The following IQCM variants were observed in gnomAD, a reference collection of about 807,000 sequenced individuals.
IQCM encodes IQ domain-containing protein M.
In IQCM, 45 loss-of-function variants were observed where a neutral mutation model predicts 57.6. The observed-to-expected ratio is 0.78, with a 90% CI of 0.62 to 1.00. IQCM has a LOEUF of 1.00. Ranked by LOEUF, IQCM falls within the 50% of genes least tolerant of loss-of-function variation. IQCM has a pLI of 0.00. For missense variants in IQCM, 468 were observed against 511.6 expected (o/e 0.91, Z 0.82); for synonymous variants, 148 against 158.9 (o/e 0.93, Z 0.51).
At chr4:149,651,174 G>C (rs1028779140) in intron 7 of IQCM, among the ~76,000 whole-genome samples, 1 of 152,122 alleles carries the variant, frequency 6.6e-6, no homozygotes, top group Non-Finnish European at 1.5e-5. Flanking sequence ...ACAGAAAATT[G>C]CTCTCTAAAA....
chr4:149,602,473 C>T (rs1051066503), intron 8 of IQCM, among the ~76,000 whole-genome samples: 3 of 152,114 alleles, frequency 2.0e-5, no homozygotes, highest in Non-Finnish European at 4.4e-5. Context: ...TGACCAAAAA[C>T]TTACCCTCTT....
chr4:149,549,511 C>A (rs554871317), intron 11 of IQCM, among the ~76,000 whole-genome samples: 1 of 152,038 alleles, frequency 6.6e-6, no homozygotes, highest in Non-Finnish European at 1.5e-5. Flanking sequence ...GAGCGAGACT[C>A]CGTCTCAAAA....
intron 12 of IQCM, among the ~76,000 whole-genome samples, chr4:149,482,353 T>A (rs545620462): frequency 1.5e-4 from 23 of 152,146 alleles, no homozygotes; most frequent in Non-Finnish European, 3.4e-4. Context: ...CCTTGTCATG[T>A]TCCAGGTCTT....
intron 7 of IQCM, among the ~76,000 whole-genome samples, chr4:149,673,671 A>G (rs1383534649): frequency 6.6e-6 from 1 of 152,056 alleles, no homozygotes; most frequent in Non-Finnish European, 1.5e-5. Flanking sequence ...CACAATAATA[A>G]TGGGAGACTT....
At chr4:149,681,158 G>A (rs953837589) in intron 7 of IQCM, among the ~76,000 whole-genome samples, 10 of 151,162 alleles carry the variant, frequency 6.6e-5, no homozygotes, top group Non-Finnish European at 1.5e-4. Flanking sequence ...GATTTCAAGA[G>A]TATTATTTAT....
chr4:149,805,428 T>C (rs2150056874), intron 2 of IQCM, among the ~76,000 whole-genome samples: 1 of 152,164 alleles, frequency 6.6e-6, no homozygotes, highest in South Asian at 2.1e-4. Flanking sequence ...TTTTCCATCC[T>C]TTGGGATGGT....
At chr4:149,772,645 A>T (rs1770696563) in intron 2 of IQCM, among the ~76,000 whole-genome samples, 1 of 152,244 alleles carries the variant, frequency 6.6e-6, no homozygotes, top group South Asian at 2.1e-4. Context: ...TGTATAAGTA[A>T]ATGAGGCATA....
chr4:149,456,550 A>G (rs746009185), intron 12 of IQCM, among the ~76,000 whole-genome samples: 1 of 152,078 alleles, frequency 6.6e-6, no homozygotes, highest in Non-Finnish European at 1.5e-5. Context: ...CTGCATTTTG[A>G]CTGCAACCCA....
In IQCM at chr4:149,613,736, C is replaced by T. The variant is rs1446091429; in HGVS notation, c.681+7393G>A. Among the ~76,000 whole-genome samples the T allele has an allele frequency of 2.6e-5, 4 of 152,218 alleles. No individual in the cohort carries two copies. The South Asian group carries it at 8.3e-4, about 32-fold the overall frequency. ...TCTCCCCGCTCCCCCCACCCCACAA[C>T]AGGCCCCGGTGTGTGATGTTTCCCT... On this transcript the variant is annotated intron_variant, in intron 8 of 13. Transcript: ENST00000636793.
At chr4:149,536,430 T>C (rs1054929099) in intron 12 of IQCM, among the ~76,000 whole-genome samples, 2 of 152,022 alleles carry the variant, frequency 1.3e-5, no homozygotes, top group Non-Finnish European at 2.9e-5. Flanking sequence ...GCTTTGCACA[T>C]TATCTCTCTT....
Position 149,548,558 on chromosome 4 carries a change from A to G in IQCM, c.1125T>C (p.Asp375=), listed in dbSNP as rs989910665. 8.1e-7 allele frequency: 1 copy of G among 1,229,008 alleles called. No homozygotes were observed. Among genetic ancestry groups the G allele is most frequent in the African/African-American group, 1.6e-5 (1 of 64,352 alleles). The allele number at this position is 1,229,008 out of a possible 1,614,324, so 76.1% of individuals were successfully genotyped here. Residue 375 remains aspartate, a synonymous_variant, in exon 12 of 14, where the codon GAT becomes GAC. Transcript: ENST00000636793. ...FYEIMFAKRE[D]WPKIERNELP... is the part of the protein sequence containing the mutation. ...GCTCATTTCTTTCAATTTTTGGCCA[A>G]TCTTCCCTCTTAGCAAACATTATTT... is the stretch of plus-strand genomic sequence containing the variant.
chr4:149,559,038 T>A (rs909308610), intron 10 of IQCM, among the ~76,000 whole-genome samples: 1 of 152,122 alleles, frequency 6.6e-6, no homozygotes, highest in African/African-American at 2.4e-5. Flanking sequence ...TTCTCAACCA[T>A]ACACCAGATT....
chr4:149,428,461 A>T (rs1252766347), intron 13 of IQCM, among the ~76,000 whole-genome samples: 4 of 151,884 alleles, frequency 2.6e-5, no homozygotes, highest in Non-Finnish European at 5.9e-5. Flanking sequence ...ATTAGGAGGG[A>T]TTCTGAAGAA....
chr4:149,569,649 A>C (rs1451944497), intron 9 of IQCM, among the ~76,000 whole-genome samples: 1 of 152,174 alleles, frequency 6.6e-6, no homozygotes, highest in Non-Finnish European at 1.5e-5. Flanking sequence ...CTTATGAACA[A>C]TGCATTTTCT....
chr4:149,668,153 A>C (rs1207779983), intron 7 of IQCM, among the ~76,000 whole-genome samples: 1 of 152,158 alleles, frequency 6.6e-6, no homozygotes, highest in African/African-American at 2.4e-5. Flanking sequence ...AAATGAAGGA[A>C]AAAATGTTAA....
intron 13 of IQCM, among the ~76,000 whole-genome samples, chr4:149,417,394 G>C (rs1733819750): frequency 6.6e-6 from 1 of 152,102 alleles, no homozygotes; most frequent in Non-Finnish European, 1.5e-5. Flanking sequence ...CAGATCGGAA[G>C]TGAAGTACAG....
intron 5 of IQCM, among the ~76,000 whole-genome samples, chr4:149,717,755 T>C (rs553154784): frequency 6.6e-6 from 1 of 152,332 alleles, no homozygotes; most frequent in African/African-American, 2.4e-5. Flanking sequence ...ACATATAAAT[T>C]ACTGATACAG....
intron 12 of IQCM, among the ~76,000 whole-genome samples, chr4:149,510,941 G>A (rs577519236): frequency 3.9e-5 from 6 of 152,234 alleles, no homozygotes; most frequent in Admixed American, 2.6e-4. Flanking sequence ...TCTGTTATTT[G>A]AAAGCAAGTC....
chr4:149,393,655 G>T (rs1732022030), intron 13 of IQCM, among the ~76,000 whole-genome samples: 1 of 151,746 alleles, frequency 6.6e-6, no homozygotes, highest in Admixed American at 6.6e-5. Context: ...GAACAATATA[G>T]TTACAACAAA....
Sources: allele counts gnomAD v4.1 joint callset (sites outside exome capture counted in the v4.1 genomes callset), GRCh38; gene constraint gnomAD v4.1.1; transcripts MANE v1.5; gene names NCBI Gene and HGNC (gene_info 2026-07-23, HGNC 2026-07-21).